TMEM131: variants seen among roughly 807,000 people sequenced by gnomAD.
The protein encoded by TMEM131 is transmembrane protein 131.
Under a neutral mutation model 211.6 loss-of-function variants are expected in TMEM131, and 66 were observed. The observed-to-expected ratio is 0.31, with a 90% CI of 0.26 to 0.38. The LOEUF (loss-of-function observed/expected upper bound fraction) is 0.38. Ranked by LOEUF, TMEM131 falls within the 10% of genes least tolerant of loss-of-function variation. The pLI is 1.00. For synonymous variants in TMEM131, 844 were observed against 841.3 expected, an observed-to-expected ratio of 1.00 and a Z score of -0.06; for missense variants, 2,036 against 2,299.3, an observed-to-expected ratio of 0.89 and a Z score of 2.34.
intron 30 of TMEM131, 35 bp from the exon 31 acceptor site, chr2:97,793,019 C>G (rs2104887797): frequency 7.2e-7 from 1 of 1,391,168 alleles, no homozygotes; most frequent in East Asian, 2.5e-5. Flanking sequence ...CAGTAAATAG[C>G]AACCTACAAA....
chr2:97,981,202 T>C (rs1453359698), intron 1 of TMEM131, among the ~76,000 whole-genome samples: 1 of 152,114 alleles, frequency 6.6e-6, no homozygotes, highest in East Asian at 1.9e-4. Flanking sequence ...TTAAGGTGCA[T>C]AATGATCCAT....
chr2:97,872,027 G>A (rs771057906), intron 4 of TMEM131, among the ~76,000 whole-genome samples: 1 of 150,950 alleles, frequency 6.6e-6, no homozygotes, highest in Non-Finnish European at 1.5e-5. Context: ...GAGAGAAAGG[G>A]GGAAAAGAAA....
intron 31 of TMEM131, among the ~76,000 whole-genome samples, chr2:97,782,961 TAG>T (rs1310025500): frequency 7.0e-6 from 1 of 142,614 alleles, no homozygotes; most frequent in Non-Finnish European, 1.5e-5. Flanking sequence ...TAAACCTATA[TAG>T]ACTTAAAAAA....
At chr2:97,822,296 C>T (rs1474452915) in intron 11 of TMEM131, among the ~76,000 whole-genome samples, 2 of 152,180 alleles carry the variant, frequency 1.3e-5, no homozygotes, top group South Asian at 2.1e-4. Flanking sequence ...TAGGATCCCT[C>T]CTCAGACTAG....
chr2:97,806,969 G>A (rs1413628871), intron 19 of TMEM131, among the ~76,000 whole-genome samples: 2 of 152,120 alleles, frequency 1.3e-5, no homozygotes, highest in Non-Finnish European at 2.9e-5. Context: ...CGCACTTGGC[G>A]TACTTGAAAT....
intron 1 of TMEM131, among the ~76,000 whole-genome samples, chr2:97,953,996 G>A (rs376669214): frequency 1.1e-4 from 16 of 151,962 alleles, no homozygotes; most frequent in Non-Finnish European, 2.1e-4. Context: ...AAATAAAAAC[G>A]CAAAATATCA....
chr2:97,858,665 AG>A (rs1290570309), intron 5 of TMEM131, among the ~76,000 whole-genome samples: 1 of 152,184 alleles, frequency 6.6e-6, no homozygotes, highest in East Asian at 1.9e-4. Flanking sequence ...ACAAAGTGCC[AG>A]GGGAAAGATG....
At chr2:97,976,960 CAAAAAAA>C (rs34708023) in intron 1 of TMEM131, among the ~76,000 whole-genome samples, 5 of 112,188 alleles carry the variant, frequency 4.5e-5, no homozygotes, top group South Asian at 3.8e-4. Flanking sequence ...TATTTATATG[CAAAAAAA>C]AAAAAAAAAA....
chr2:97,815,390 T>C (rs1001882823), intron 12 of TMEM131, 83 bp from the exon 13 acceptor site: 1 of 632,074 alleles, frequency 1.6e-6, no homozygotes. Flanking sequence ...GACAAAATCT[T>C]AAAAAAAAAA....
intron 10 of TMEM131, 81 bp downstream of exon 10, chr2:97,834,540 A>G (rs1430585853): frequency 2.9e-6 from 3 of 1,017,918 alleles, no homozygotes; most frequent in Middle Eastern, 3.2e-4. Context: ...GCTGAATTAC[A>G]TAGTAGAGCC....
Position 97,995,702 on chromosome 2 carries a change from G to A in TMEM131, c.-40C>T. The A allele has an allele frequency of 8.5e-7, 1 of 1,176,836 alleles. No individual in the cohort carries two copies. The highest frequency in any genetic ancestry group is 1.1e-6 in the Non-Finnish European group (1 of 951,054). The allele number at this position is 1,176,836 out of a possible 1,614,324, so 72.9% of individuals were successfully genotyped here. A position where few individuals can be genotyped will look rare whatever the true frequency, so the allele number is the denominator to read the frequency against. ...GGCCGCCGCGCTCGAGGTCCGGCGC[G>A]GCCCTTCTCGGCGAGGCGGCGGCGG... On this transcript the variant is annotated 5_prime_UTR_variant, in exon 1 of 41. Coordinates refer to ENST00000186436, the MANE Select transcript of TMEM131 (RefSeq NM_015348.2).
rs1462282225 is a variant in TMEM131, at chr2:97,762,195, C to T, written c.4729G>A (p.Asp1577Asn). Residue 1577 changes from aspartate to asparagine, a missense_variant, in exon 36 of 41, where the codon GAT (aspartate) becomes AAT (asparagine). Around this residue, in one of 3 missense-constraint regions of TMEM131, gnomAD observed 1,623 missense variants for 1,805.9 expected, o/e 0.90. Transcript: ENST00000186436. ...TGCAGAGAAAGTTTATAAAGACTAT[C>T]AGTAGCTGGAAATTAAAAACAAACG... Reference protein sequence around the residue: ...VPVHKPGSSTDSLYKLSLQTL... With the variant: ...VPVHKPGSSTNSLYKLSLQTL... 3 of 1,613,774 alleles carry T rather than the reference C, an allele frequency of 1.9e-6. No individual in the cohort carries two copies. In the African/African-American group the frequency reaches 4.0e-5, roughly 22 times the overall value.
chr2:97,992,478 CAT>C (rs1680310466), intron 1 of TMEM131, among the ~76,000 whole-genome samples: 1 of 152,106 alleles, frequency 6.6e-6, no homozygotes, highest in Admixed American at 6.6e-5. Context: ...ATTAATAAAA[CAT>C]GTGACAATGA....
At chr2:97,829,493 ACAATCAGCACTCTGTAAAATGGAC>A (rs1211288434) in intron 11 of TMEM131, among the ~76,000 whole-genome samples, 4 of 152,182 alleles carry the variant, frequency 2.6e-5, no homozygotes, top group Non-Finnish European at 2.9e-5. Flanking sequence ...TGTAAATGCA[ACAATCAGCACTCTGTAAAATGGAC>A]CAATCAGCGC....
intron 2 of TMEM131, among the ~76,000 whole-genome samples, chr2:97,925,449 T>C (rs1676942723): frequency 1.3e-5 from 2 of 152,186 alleles, no homozygotes; most frequent in Non-Finnish European, 2.9e-5. Context: ...GATCTTTACG[T>C]ATTCTGGATG....
At chr2:97,901,174 G>A (rs1377143118) in intron 3 of TMEM131, among the ~76,000 whole-genome samples, 1 of 152,134 alleles carries the variant, frequency 6.6e-6, no homozygotes, top group African/African-American at 2.4e-5. Context: ...GGAAACAAAT[G>A]AAATGCTCAT....
chr2:97,897,500 A>G (rs1015458309), intron 3 of TMEM131, among the ~76,000 whole-genome samples: 1 of 152,138 alleles, frequency 6.6e-6, no homozygotes, highest in African/African-American at 2.4e-5. Flanking sequence ...GGCTTTTTCT[A>G]CATCTATTCA....
At chr2:97,843,754 T>A (rs1450535176) in intron 6 of TMEM131, among the ~76,000 whole-genome samples, 1 of 152,134 alleles carries the variant, frequency 6.6e-6, no homozygotes, top group African/African-American at 2.4e-5. Flanking sequence ...TAAACCAAAA[T>A]TCTATGTAAA....
chr2:97,825,250 G>A (rs1304662523), intron 11 of TMEM131, among the ~76,000 whole-genome samples: 5 of 152,256 alleles, frequency 3.3e-5, no homozygotes, highest in Admixed American at 6.5e-5. Context: ...CTATCAGTTC[G>A]GAAGCCTCAT....
Sources: gnomAD v4.1 joint callset for allele counts (sites outside exome capture counted in the v4.1 genomes callset) on GRCh38, gnomAD v4.1.1 for gene constraint, gnomAD v4.1.1 regional missense constraint, MANE v1.5 for transcripts, NCBI Gene and HGNC (gene_info 2026-07-23, HGNC 2026-07-21) for gene names.